Variants in S1PR1 observed in about 807,000 individuals in gnomAD.
S1PR1 encodes the protein sphingosine-1-phosphate receptor 1.
In S1PR1, 2 loss-of-function variants were observed where a neutral mutation model predicts 18.3. The observed-to-expected ratio is 0.11, with a 90% CI of 0.04 to 0.34. S1PR1 has a LOEUF of 0.34. S1PR1 is among the 10% of genes least tolerant of loss of function. The probability of loss-of-function intolerance (pLI) is 1.00; values close to 1 mark genes in which losing one functional copy is unlikely to be tolerated. For synonymous variants in S1PR1, 222 were observed against 211.2 expected (o/e 1.05, Z -0.44); for missense variants, 335 against 493.8 (o/e 0.68, Z 3.05).
chr1:101,241,616 T>A (rs896579785), downstream of S1PR1: 1 of 160,550 alleles, frequency 6.2e-6, no homozygotes, highest in African/African-American at 2.4e-5. Flanking sequence ...TCTATTATTC[T>A]TTAAAGGATT....
rs776870305 is a variant in S1PR1 at position 101,239,467 on chromosome 1, C to T, written c.483C>T (p.Phe161=). 6.2e-7 allele frequency: 1 copy of T among 1,614,184 alleles called. No individual in the cohort carries two copies. Among genetic ancestry groups the T allele is most frequent in the South Asian group, 1.1e-5 (1 of 91,074 alleles). The change falls in exon 2 of 2, where the codon TTC becomes TTT. Residue 161 remains phenylalanine, a synonymous_variant. Coordinates refer to ENST00000305352, the MANE Select transcript of S1PR1 (RefSeq NM_001400.5). This position sits in a 1 kb window ranked among gnomAD's most constrained non-coding sequence, Gnocchi z 6.3. Reference sequence around the variant, plus strand: ...ACGGGAGCAATAACTTCCGCCTCTTCCTGCTAATCAGCGCCTGCTGGGTCA... The same window carrying T: ...ACGGGAGCAATAACTTCCGCCTCTTTCTGCTAATCAGCGCCTGCTGGGTCA... ...LHNGSNNFRL[F]LLISACWVIS...
At position 101,240,163 on chromosome 1, in the gene S1PR1, CT is replaced by C; in HGVS notation, c.*31del. 3.1e-6 allele frequency: 5 copies of C among 1,611,400 alleles called. No individual in the cohort carries two copies. The highest frequency in any genetic ancestry group is 4.2e-6 in the Non-Finnish European group (5 of 1,179,084). ...GGAAGCTGTCCACCCACCGGAAGCG[CT>C]CTTTACTTGGTCGCTGGCCACCCCA... On this transcript the variant is annotated 3_prime_UTR_variant, in exon 2 of 2. Transcript: ENST00000305352.
Position 101,239,764 on chromosome 1 carries a change from C to A in S1PR1, c.780C>A (p.Ile260=). ...TGGCGCTGCTCAAGACCGTAATTATCGTCCTGAGCGTCTTCATCGCCTGCT... is the reference window on the plus strand; with the variant it reads ...TGGCGCTGCTCAAGACCGTAATTATAGTCCTGAGCGTCTTCATCGCCTGCT... ...KSLALLKTVI[I]VLSVFIACWA... Residue 260 remains isoleucine, a synonymous_variant, in exon 2 of 2, where the codon ATC becomes ATA. Transcript: ENST00000305352. The surrounding 1 kb of genome is among the most constrained non-coding windows in gnomAD (Gnocchi z 6.3). 1.2e-6 allele frequency: 2 copies of A among 1,613,860 alleles called. No homozygotes were observed. Among genetic ancestry groups the A allele is most frequent in the Non-Finnish European group, 1.7e-6 (2 of 1,180,034 alleles).
intron 1 of S1PR1, 145 bp from the exon 2 acceptor site, chr1:101,238,677 T>TTA (rs1553177096): frequency 3.3e-6 from 1 of 305,608 alleles, no homozygotes; most frequent in Non-Finnish European, 6.0e-6. Context: ...ATTTGATTTT[T>TTA]AAAAAAAATC....
rs1316899259 is a variant in S1PR1 at position 101,238,912 on chromosome 1, T to G, written c.-73T>G. ...AACCACCCCTGAAGCCAGTGAAGGC[T>G]CTCTCGCCTCGCCCTCTAGCGTTCG... On this transcript the variant is annotated 5_prime_UTR_variant, in exon 2 of 2. Transcript: ENST00000305352. The G allele has an allele frequency of 5.6e-6, 8 of 1,438,218 alleles. No individual in the cohort carries two copies. Among genetic ancestry groups the G allele is most frequent in the Non-Finnish European group, 6.5e-6 (7 of 1,072,856 alleles). 89.1% of individuals were successfully genotyped at this position (1,438,218 alleles called of 1,614,324 possible).
Position 101,239,155 on chromosome 1 carries a change from C to T in S1PR1, c.171C>T (p.Cys57=). The T allele has an allele frequency of 6.2e-7, 1 of 1,614,280 alleles. No homozygotes were observed. The highest frequency in any genetic ancestry group is 1.3e-5 in the African/African-American group (1 of 75,082). Residue 57 remains cysteine, a synonymous_variant, in exon 2 of 2, where the codon TGC becomes TGT. Coordinates refer to ENST00000305352, the MANE Select transcript of S1PR1 (RefSeq NM_001400.5). This position sits in a 1 kb window ranked among gnomAD's most constrained non-coding sequence, Gnocchi z 6.3. ...CGGTGGTGTTCATTCTCATCTGCTGCTTTATCATCCTGGAGAACATCTTTG... is the reference window on the plus strand; with the variant it reads ...CGGTGGTGTTCATTCTCATCTGCTGTTTTATCATCCTGGAGAACATCTTTG... ...LTSVVFILIC[C]FIILENIFVL...
chr1:101,239,101 G>T lies in S1PR1; in HGVS notation c.117G>T (p.Ala39=). The T allele has an allele frequency of 1.2e-6, 2 of 1,614,238 alleles. No individual in the cohort carries two copies. ...ACACGGGAAAGCTGAATATCAGCGC[G>T]GACAAGGAGAACAGCATTAAACTGA... ...YNYTGKLNIS[A]DKENSIKLTS... is the part of the protein sequence containing the mutation. Residue 39 remains alanine (A), a synonymous_variant, in exon 2 of 2, where the codon GCG becomes GCT. Coordinates refer to ENST00000305352, the MANE Select transcript of S1PR1 (RefSeq NM_001400.5). This position sits in a 1 kb window ranked among gnomAD's most constrained non-coding sequence, Gnocchi z 6.3.
chr1:101,238,872 C>A lies in S1PR1; in HGVS notation c.-113C>A. 2 of 1,022,298 alleles carry A rather than the reference C, an allele frequency of 2.0e-6. No homozygotes were observed. Among genetic ancestry groups the A allele is most frequent in the Non-Finnish European group, 2.8e-6 (2 of 717,918 alleles). The allele number at this position is 1,022,298 out of a possible 1,614,324, so 63.3% of individuals were successfully genotyped here. A position where few individuals can be genotyped will look rare whatever the true frequency, so the allele number is the denominator to read the frequency against. On this transcript the variant is annotated 5_prime_UTR_variant, in exon 2 of 2. The change creates a new upstream start codon in the 5' untranslated region. Transcript: ENST00000305352. ...GCCAAGGAAAAGCTACACAAAAAGC[C>A]TGGATCACTCATCGAACCACCCCTG... is the stretch of plus-strand genomic sequence containing the variant.
chr1:101,238,848 C>A lies in S1PR1; in HGVS notation c.-137C>A. 1 of 839,082 alleles carries A rather than the reference C, an allele frequency of 1.2e-6. No individual in the cohort carries two copies. The highest frequency in any genetic ancestry group is 1.8e-6 in the Non-Finnish European group (1 of 553,872). The allele number at this position is 839,082 out of a possible 1,614,324, so 52.0% of individuals were successfully genotyped here. ...CTGCGGTTTCCGAGGCCCTCTCCAG[C>A]CAAGGAAAAGCTACACAAAAAGCCT... On this transcript the variant is annotated 5_prime_UTR_variant, in exon 2 of 2. Coordinates refer to ENST00000305352, the MANE Select transcript of S1PR1 (RefSeq NM_001400.5).
rs778786177 is a variant in S1PR1, at chr1:101,238,971, A to C, written c.-14A>C. ...AGCGCCACCCCGGCTTCCTGGGGACACAGGGTTGGCACCATGGGGCCCACC... is the reference window on the plus strand; with the variant it reads ...AGCGCCACCCCGGCTTCCTGGGGACCCAGGGTTGGCACCATGGGGCCCACC... On this transcript the variant is annotated 5_prime_UTR_variant, in exon 2 of 2. Coordinates refer to ENST00000305352, the MANE Select transcript of S1PR1 (RefSeq NM_001400.5). 1.9e-6 allele frequency: 3 copies of C among 1,601,664 alleles called. No individual in the cohort carries two copies. The highest frequency in any genetic ancestry group is 2.6e-6 in the Non-Finnish European group (3 of 1,173,708).
At position 101,240,920 on chromosome 1, in the gene S1PR1, T is replaced by C. The variant is rs906674105; in HGVS notation, c.*787T>C. 1.2e-5 allele frequency: 2 copies of C among 167,224 alleles called. No individual in the cohort carries two copies. Among genetic ancestry groups the C allele is most frequent in the Non-Finnish European group, 2.9e-5 (2 of 68,122 alleles). The allele number at this position is 167,224 out of a possible 1,614,324, so 10.4% of individuals were successfully genotyped here. A position where few individuals can be genotyped will look rare whatever the true frequency, so the allele number is the denominator to read the frequency against. On this transcript the variant is annotated 3_prime_UTR_variant, in exon 2 of 2. Coordinates refer to ENST00000305352, the MANE Select transcript of S1PR1 (RefSeq NM_001400.5). ...CATAAGGAAGCCCACTTTATCTAAA[T>C]GATATTAGCCAGGATCCTTGGTGTC...
intron 1 of S1PR1, 98 bp downstream of exon 1, chr1:101,237,197 C>T (rs568670725): frequency 6.6e-6 from 1 of 152,332 alleles, no homozygotes; most frequent in South Asian, 2.1e-4. Context: ...ACGAGGCAAA[C>T]AAAAACTTAG....
rs948112265 is a variant in S1PR1, at chr1:101,240,882, A to G, written c.*749A>G. 7.2e-5 allele frequency: 12 copies of G among 167,360 alleles called. No homozygotes were observed. In the East Asian group the frequency reaches 2.3e-3, roughly 31 times the overall value. The allele number at this position is 167,360 out of a possible 1,614,324, so 10.4% of individuals were successfully genotyped here. On this transcript the variant is annotated 3_prime_UTR_variant, in exon 2 of 2. Coordinates refer to ENST00000305352, the MANE Select transcript of S1PR1 (RefSeq NM_001400.5). ...ATGTGTTACCATTTCATATCCATTG[A>G]AGCCGAAATCTGCATAAGGAAGCCC...
In S1PR1 at chr1:101,239,916, A is replaced by G; in HGVS notation, c.932A>G (p.Tyr311Cys). 6.2e-7 allele frequency: 1 copy of G among 1,614,002 alleles called. No homozygotes were observed. Among genetic ancestry groups the G allele is most frequent in the Non-Finnish European group, 8.5e-7 (1 of 1,180,016 alleles). The change falls in exon 2 of 2, where the codon TAC becomes TGC. Residue 311 changes from tyrosine to cysteine, a missense_variant. Tyr to Cys is a radical substitution (Grantham distance 194, BLOSUM62 -2). This residue lies in a region of S1PR1 where 214 missense variants were observed against 366.6 expected (regional missense o/e 0.58). Coordinates refer to ENST00000305352, the MANE Select transcript of S1PR1 (RefSeq NM_001400.5). The surrounding 1 kb of genome is among the most constrained non-coding windows in gnomAD (Gnocchi z 6.3). ...AACTCCGGCACCAACCCCATCATTT[A>G]CACTCTGACCAACAAGGAGATGCGT... Reference protein sequence around the residue: ...VLNSGTNPIIYTLTNKEMRRA... With the variant: ...VLNSGTNPIICTLTNKEMRRA...
Position 101,239,133 on chromosome 1 carries a change from T to C in S1PR1, c.149T>C (p.Val50Ala). ...GAGAACAGCATTAAACTGACCTCGG[T>C]GGTGTTCATTCTCATCTGCTGCTTT... ...DKENSIKLTS[V>A]VFILICCFII... The change falls in exon 2 of 2, where the codon GTG becomes GCG. Residue 50 changes from valine to alanine, a missense_variant. Val to Ala is a moderately conservative substitution (Grantham distance 64, BLOSUM62 0). Transcript: ENST00000305352. The surrounding 1 kb of genome is among the most constrained non-coding windows in gnomAD (Gnocchi z 6.3). 2 of 1,614,268 alleles carry C rather than the reference T, an allele frequency of 1.2e-6. No individual in the cohort carries two copies. The highest frequency in any genetic ancestry group is 1.7e-6 in the Non-Finnish European group (2 of 1,180,050).
Position 101,239,275 on chromosome 1 carries a change from C to A in S1PR1, c.291C>A (p.Ala97=). ...TCTCAGACCTGTTGGCAGGAGTAGC[C>A]TACACAGCTAACCTGCTCTTGTCTG... ...LALSDLLAGV[A]YTANLLLSGA... is the part of the protein sequence containing the mutation. Residue 97 remains alanine, a synonymous_variant, in exon 2 of 2, where the codon GCC becomes GCA. Transcript: ENST00000305352. The surrounding 1 kb of genome is among the most constrained non-coding windows in gnomAD (Gnocchi z 6.3). The A allele has an allele frequency of 1.2e-6, 2 of 1,614,182 alleles. No homozygotes were observed. Among genetic ancestry groups the A allele is most frequent in the African/African-American group, 2.7e-5 (2 of 75,040 alleles).
Position 101,239,995 on chromosome 1 carries a change from TG to T in S1PR1, c.1013del (p.Gly338AlafsTer131). On this transcript the variant is annotated frameshift_variant, in exon 2 of 2. Coordinates refer to ENST00000305352, the MANE Select transcript of S1PR1 (RefSeq NM_001400.5). LOFTEE classifies it high-confidence loss of function. The surrounding 1 kb of genome is among the most constrained non-coding windows in gnomAD (Gnocchi z 6.3). ...CCKCPSGDSA[G>X]KFKRPIIAGM... ...GCAAGTGCCCGAGCGGAGACTCTGC[TG>T]GCAAATTCAAGCGACCCATCATCGC... The T allele has an allele frequency of 6.2e-7, 1 of 1,614,110 alleles. No homozygotes were observed. Among genetic ancestry groups the T allele is most frequent in the African/African-American group, 1.3e-5 (1 of 75,040 alleles).
At position 101,240,197 on chromosome 1, in the gene S1PR1, GA is replaced by G. The variant is rs1488954133; in HGVS notation, c.*71del. 2.6e-6 allele frequency: 4 copies of G among 1,560,586 alleles called. No homozygotes were observed. Among genetic ancestry groups the G allele is most frequent in the Admixed American group, 1.9e-5 (1 of 53,744 alleles). Reference sequence around the variant, plus strand: ...TGGTCGCTGGCCACCCCAGTGTTTGGAAAAAAATCTCTGGGCTTCGACTGCT... The same window carrying G: ...TGGTCGCTGGCCACCCCAGTGTTTGGAAAAAATCTCTGGGCTTCGACTGCT... On this transcript the variant is annotated 3_prime_UTR_variant, in exon 2 of 2. Transcript: ENST00000305352.
chr1:101,237,192 G>C (rs1267637431), intron 1 of S1PR1, 93 bp downstream of exon 1: 1 of 152,246 alleles, frequency 6.6e-6, no homozygotes, highest in Non-Finnish European at 1.5e-5. Context: ...GTCGAACGAG[G>C]CAAACAAAAA....
Sources: allele counts gnomAD v4.1 joint callset, GRCh38; gene constraint gnomAD v4.1.1; regional missense constraint gnomAD v4.1.1; non-coding constraint Gnocchi (gnomAD v3.1); transcripts MANE v1.5; gene names NCBI Gene and HGNC (gene_info 2026-07-23, HGNC 2026-07-21).